RGS6: variants seen among roughly 807,000 people sequenced by gnomAD.
RGS6 encodes regulator of G protein signaling 6, also known as regulator of G-protein signaling 6.
Under a neutral mutation model 78.5 loss-of-function variants are expected in RGS6, and 30 were observed. That is an observed-to-expected ratio of 0.38 (90% CI 0.29 to 0.52). The LOEUF is 0.52. Among genes scored for constraint, RGS6 ranks in the 20% least tolerant of loss-of-function variants. RGS6 has a pLI of 0.85. For missense variants in RGS6, 495 were observed against 609.7 expected (o/e 0.81, Z 1.98); for synonymous variants, 206 against 206.0 (o/e 1.00, Z 0.00).
the RGS6 span, among the ~76,000 whole-genome samples, chr14:72,624,272 T>A: frequency 6.6e-6 from 1 of 151,810 alleles, no homozygotes; most frequent in Non-Finnish European, 1.5e-5. Flanking sequence ...ACCATTGGTG[T>A]AATACTGTTA....
intron 12 of RGS6, among the ~76,000 whole-genome samples, chr14:72,491,198 T>A (rs777549283): frequency 6.6e-5 from 10 of 152,170 alleles, no homozygotes; most frequent in Non-Finnish European, 1.0e-4. Context: ...AATTTTATTG[T>A]GGATCGATAA....
chr14:72,192,101 T>G (rs2097333670), intron 2 of RGS6, among the ~76,000 whole-genome samples: 1 of 152,206 alleles, frequency 6.6e-6, no homozygotes, highest in African/African-American at 2.4e-5. Flanking sequence ...GAATTTGTCA[T>G]TCTTATCGCA....
chr14:72,615,900 G>C, the RGS6 span, among the ~76,000 whole-genome samples: 308 of 152,364 alleles, frequency 2.0e-3, 3 homozygotes, highest in African/African-American at 7.3e-3. Context: ...TTCCACTTCC[G>C]GTTGGGTCTG....
At chr14:72,252,727 G>T (rs1439285746) in intron 2 of RGS6, among the ~76,000 whole-genome samples, 1 of 152,172 alleles carries the variant, frequency 6.6e-6, no homozygotes, top group South Asian at 2.1e-4. Flanking sequence ...ATGATGGGGG[G>T]AGGGGTGATA....
At chr14:72,109,012 G>C (rs1247743960) in intron 2 of RGS6, among the ~76,000 whole-genome samples, 2 of 152,008 alleles carry the variant, frequency 1.3e-5, no homozygotes, top group African/African-American at 4.8e-5. Flanking sequence ...ACTTTGTTCA[G>C]ATGGATTTTT....
chr14:71,994,530 C>T (rs1403099657), intron 2 of RGS6, among the ~76,000 whole-genome samples: 1 of 151,806 alleles, frequency 6.6e-6, no homozygotes, highest in Non-Finnish European at 1.5e-5. Flanking sequence ...GAATTGTGTC[C>T]CCCTCCACCC....
chr14:72,457,905 C>T (rs546684404), intron 4 of RGS6, among the ~76,000 whole-genome samples: 31 of 152,304 alleles, frequency 2.0e-4, no homozygotes, highest in African/African-American at 4.3e-4. Context: ...CTAGCACTTA[C>T]GGAGTATTTG....
chr14:72,226,436 C>T lies in RGS6; in HGVS notation c.85-125659C>T, dbSNP rs746496376. Among the ~76,000 whole-genome samples, 6 of 152,122 alleles carry T rather than the reference C, an allele frequency of 3.9e-5. 1 individual carries two copies. The highest frequency in any genetic ancestry group is 4.1e-4 in the South Asian group (2 of 4,824). On this transcript the variant is annotated intron_variant, in intron 2 of 17. Transcript: ENST00000553525. The stretch of plus-strand genomic sequence containing the variant: ...AGCTAAACTGTGGCACATAACTGGA[C>T]GTGTCTATATGGATGGATCTCTGGG...
At chr14:72,473,197 G>A (rs764409814) in intron 9 of RGS6, among the ~76,000 whole-genome samples, 1 of 152,152 alleles carries the variant, frequency 6.6e-6, no homozygotes, top group Non-Finnish European at 1.5e-5. Flanking sequence ...TAATCCCAGC[G>A]CTTTGGGAGG....
chr14:72,271,018 G>C (rs960834058), intron 2 of RGS6, among the ~76,000 whole-genome samples: 2 of 152,170 alleles, frequency 1.3e-5, no homozygotes, highest in African/African-American at 4.8e-5. Flanking sequence ...TTGTGGTCTT[G>C]AAACCCATGC....
intron 2 of RGS6, among the ~76,000 whole-genome samples, chr14:72,248,491 A>G (rs886277313): frequency 1.3e-5 from 2 of 152,222 alleles, no homozygotes; most frequent in African/African-American, 2.4e-5. Flanking sequence ...TATACAGCAA[A>G]TAACACTCTA....
intron 3 of RGS6, among the ~76,000 whole-genome samples, chr14:72,390,538 T>C (rs189741564): frequency 9.1e-4 from 139 of 152,272 alleles, no homozygotes; most frequent in African/African-American, 3.2e-3. Flanking sequence ...AAAGTTTTAA[T>C]TGTAAATTTT....
At chr14:71,942,486 C>A (rs913143714) in intron 1 of RGS6, among the ~76,000 whole-genome samples, 6 of 152,086 alleles carry the variant, frequency 3.9e-5, no homozygotes, top group African/African-American at 1.4e-4. Flanking sequence ...AACTCTACCA[C>A]CATTCTATAA....
chr14:71,955,008 G>C (rs182902593), intron 1 of RGS6, among the ~76,000 whole-genome samples: 1 of 152,216 alleles, frequency 6.6e-6, no homozygotes, highest in Non-Finnish European at 1.5e-5. Flanking sequence ...TGATGTGTTG[G>C]GTCATAGGAA....
intron 2 of RGS6, among the ~76,000 whole-genome samples, chr14:71,975,108 T>G (rs2094037896): frequency 1.3e-5 from 2 of 152,350 alleles, no homozygotes; most frequent in South Asian, 4.1e-4. Context: ...GGGCCATGAT[T>G]GTGCCACCAC....
intron 4 of RGS6, among the ~76,000 whole-genome samples, chr14:72,456,841 G>A (rs1325301360): frequency 6.6e-6 from 1 of 151,906 alleles, no homozygotes; most frequent in African/African-American, 2.4e-5. Context: ...TCTTTGGGAG[G>A]CTCAGCTGGG....
At chr14:72,268,123 C>G (rs2059357754) in intron 2 of RGS6, among the ~76,000 whole-genome samples, 1 of 152,162 alleles carries the variant, frequency 6.6e-6, no homozygotes, top group Non-Finnish European at 1.5e-5. Context: ...GACATTTTGA[C>G]TTGTCTAGAC....
the RGS6 span, among the ~76,000 whole-genome samples, chr14:72,607,345 G>A: frequency 2.0e-5 from 3 of 152,198 alleles, no homozygotes; most frequent in East Asian, 5.8e-4. Context: ...TGTCCAGCAA[G>A]GGCCTGCCTC....
chr14:72,548,325 A>ATT (rs1286971358), intron 17 of RGS6, among the ~76,000 whole-genome samples: 3 of 135,976 alleles, frequency 2.2e-5, no homozygotes, highest in African/African-American at 8.7e-5. Flanking sequence ...ACCAGATCAT[A>ATT]TTTGTGTGTG....
Sources: gnomAD v4.1 joint callset for allele counts (sites outside exome capture counted in the v4.1 genomes callset) on GRCh38, gnomAD v4.1.1 for gene constraint, MANE v1.5 for transcripts, NCBI Gene and HGNC (gene_info 2026-07-23, HGNC 2026-07-21) for gene names.